Variants in MAPK10 observed in about 807,000 individuals in gnomAD.
The protein encoded by MAPK10 is mitogen-activated protein kinase 10.
Under a neutral mutation model 59.3 loss-of-function variants are expected in MAPK10, and 25 were observed. The ratio of observed to expected loss-of-function variants is 0.42; its 90% CI spans 0.31 to 0.59. MAPK10 has a LOEUF of 0.59. MAPK10 is among the 20% of genes least tolerant of loss of function. The pLI is 0.15. For missense variants in MAPK10, 351 were observed against 568.9 expected (o/e 0.62, Z 3.90); for synonymous variants, 190 against 200.5 (o/e 0.95, Z 0.44).
chr4:86,294,125 G>C (rs1009413885), intron 2 of MAPK10, among the ~76,000 whole-genome samples: 2 of 152,196 alleles, frequency 1.3e-5, no homozygotes, highest in Admixed American at 1.3e-4. Flanking sequence ...TTAGCTCCGA[G>C]GTGTGCTGTA....
At chr4:86,512,952 C>T (rs995484186) in intron 1 of MAPK10, among the ~76,000 whole-genome samples, 10 of 152,306 alleles carry the variant, frequency 6.6e-5, no homozygotes, top group Admixed American at 3.3e-4. Context: ...GAGACTCTTA[C>T]CTCTCTTAAT....
intron 1 of MAPK10, among the ~76,000 whole-genome samples, chr4:86,470,744 G>A (rs1579324389): frequency 7.8e-6 from 1 of 127,458 alleles, no homozygotes; most frequent in Non-Finnish European, 1.8e-5. Flanking sequence ...TTAGGTGAAT[G>A]TATTGCTTTG....
At chr4:86,023,652 CT>C (rs896758190) in intron 13 of MAPK10, among the ~76,000 whole-genome samples, 5 of 151,556 alleles carry the variant, frequency 3.3e-5, no homozygotes, top group Non-Finnish European at 7.4e-5. Context: ...ACTTGTACTT[CT>C]TTTGCTAACT....
chr4:86,507,477 A>G (rs1755824166), intron 1 of MAPK10, among the ~76,000 whole-genome samples: 1 of 151,214 alleles, frequency 6.6e-6, no homozygotes, highest in Admixed American at 6.6e-5. Flanking sequence ...TCCACTTCTC[A>G]GTATCTCGCC....
At chr4:86,395,517 G>T in intron 1 of MAPK10, among the ~76,000 whole-genome samples, 1 of 152,214 alleles carries the variant, frequency 6.6e-6, no homozygotes, top group African/African-American at 2.4e-5. Flanking sequence ...AAATGGTTCA[G>T]CAATCAATCA....
At chr4:86,553,739 C>G (rs1760040729) in intron 1 of MAPK10, among the ~76,000 whole-genome samples, 1 of 152,072 alleles carries the variant, frequency 6.6e-6, no homozygotes, top group South Asian at 2.1e-4. Flanking sequence ...TGCCTACATT[C>G]AATTTGTAGG....
chr4:86,102,844 A>G (rs78841001), intron 6 of MAPK10: 14,545 of 162,962 alleles, frequency 0.089, 675 homozygotes, highest in Middle Eastern at 0.14. Flanking sequence ...CAGGTAAATT[A>G]ACTCATTGTA....
intron 1 of MAPK10, among the ~76,000 whole-genome samples, chr4:86,410,256 T>A (rs1457983028): frequency 2.0e-5 from 3 of 152,236 alleles, no homozygotes; most frequent in African/African-American, 7.2e-5. Context: ...GAAGCTGACT[T>A]GATCGTTGTG....
chr4:86,097,450 T>A (rs1434351627), intron 9 of MAPK10, among the ~76,000 whole-genome samples: 1 of 152,034 alleles, frequency 6.6e-6, no homozygotes, highest in African/African-American at 2.4e-5. Flanking sequence ...TCATAACCTT[T>A]CTTACATAAT....
At chr4:86,059,052 C>T (rs1488586137) in intron 11 of MAPK10, among the ~76,000 whole-genome samples, 1 of 152,112 alleles carries the variant, frequency 6.6e-6, no homozygotes, top group African/African-American at 2.4e-5. Context: ...TTCAGATTTA[C>T]CTTGAATAGA....
At chr4:86,487,430 CA>C (rs1486686875) in intron 1 of MAPK10, among the ~76,000 whole-genome samples, 1 of 151,078 alleles carries the variant, frequency 6.6e-6, no homozygotes, top group African/African-American at 2.4e-5. Context: ...AACAAAGTGT[CA>C]AAAATTGTTA....
intron 1 of MAPK10, among the ~76,000 whole-genome samples, chr4:86,532,491 A>G (rs1278855925): frequency 6.6e-6 from 1 of 152,222 alleles, no homozygotes; most frequent in Non-Finnish European, 1.5e-5. Flanking sequence ...TGGTCTACTT[A>G]GGTCCAAAAG....
intron 3 of MAPK10, among the ~76,000 whole-genome samples, chr4:86,169,808 C>T (rs1287304367): frequency 6.6e-6 from 1 of 151,762 alleles, no homozygotes; most frequent in Non-Finnish European, 1.5e-5. Flanking sequence ...TAAGGGCAGC[C>T]AGAGAGAAAG....
intron 1 of MAPK10, among the ~76,000 whole-genome samples, chr4:86,499,929 T>C (rs965327078): frequency 1.3e-5 from 2 of 152,166 alleles, no homozygotes; most frequent in Admixed American, 1.3e-4. Context: ...GTGAAAACCT[T>C]GGGGATGGAA....
At chr4:86,465,827 C>T (rs1308375775) in intron 1 of MAPK10, among the ~76,000 whole-genome samples, 2 of 152,152 alleles carry the variant, frequency 1.3e-5, no homozygotes, top group African/African-American at 4.8e-5. Context: ...AGAAGGACCC[C>T]AGCTGTCACG....
intron 11 of MAPK10, among the ~76,000 whole-genome samples, chr4:86,051,354 T>C (rs1453002911): frequency 7.4e-6 from 1 of 135,338 alleles, no homozygotes; most frequent in Admixed American, 7.3e-5. Context: ...CCCTAGGGCC[T>C]AAGTCATGGA....
intron 2 of MAPK10, among the ~76,000 whole-genome samples, chr4:86,333,019 C>T (rs1344056013): frequency 6.6e-6 from 1 of 152,146 alleles, no homozygotes; most frequent in Admixed American, 6.6e-5. Flanking sequence ...CTATTTTACA[C>T]AGGCTGCCCT....
At chr4:86,103,052 G>T in intron 6 of MAPK10, 134 bp downstream of exon 6, 1 of 603,238 alleles carries the variant, frequency 1.7e-6, no homozygotes, top group Non-Finnish European at 2.9e-6. Context: ...ACCTCTCTTT[G>T]AGCAGTATAA....
intron 2 of MAPK10, among the ~76,000 whole-genome samples, chr4:86,331,101 T>G (rs1292641198): frequency 6.6e-6 from 1 of 152,008 alleles, no homozygotes; most frequent in Non-Finnish European, 1.5e-5. Context: ...TTAGCTAGAG[T>G]GCAGGTCATA....
Sources: allele counts gnomAD v4.1 joint callset (sites outside exome capture counted in the v4.1 genomes callset), GRCh38; gene constraint gnomAD v4.1.1; transcripts MANE v1.5; gene names NCBI Gene and HGNC (gene_info 2026-07-23, HGNC 2026-07-21).